The following RBMS3 variants were observed in gnomAD, a reference collection of about 807,000 sequenced individuals.
RBMS3 encodes the protein RNA binding motif single stranded interacting protein 3.
RBMS3 carries 27 observed loss-of-function variants against 66.8 expected under a neutral mutation model. That is an observed-to-expected ratio of 0.40 (90% CI 0.30 to 0.56). RBMS3 has a LOEUF of 0.56. Ranked by LOEUF, RBMS3 falls within the 20% of genes least tolerant of loss-of-function variation. The pLI is 0.40. For missense variants in RBMS3, 513 were observed against 549.5 expected (o/e 0.93, Z 0.66); for synonymous variants, 188 against 183.0 (o/e 1.03, Z -0.22).
intron 3 of RBMS3, among the ~76,000 whole-genome samples, chr3:29,532,951 C>T (rs759560260): frequency 4.6e-5 from 7 of 152,034 alleles, no homozygotes; most frequent in African/African-American, 7.2e-5. Flanking sequence ...AGTATTACTT[C>T]GATTTTTGAA....
At chr3:29,895,212 AT>A (rs1196202049) in intron 8 of RBMS3, among the ~76,000 whole-genome samples, 2 of 151,568 alleles carry the variant, frequency 1.3e-5, no homozygotes, top group Admixed American at 6.6e-5. Flanking sequence ...ATGTTCAATA[AT>A]TTTTTAAAAT....
At chr3:29,705,937 G>A (rs2149298405) in intron 4 of RBMS3, among the ~76,000 whole-genome samples, 1 of 152,294 alleles carries the variant, frequency 6.6e-6, no homozygotes, top group East Asian at 1.9e-4. Context: ...GGTATTGGCT[G>A]AGTTTTCCCT....
intron 1 of RBMS3, among the ~76,000 whole-genome samples, chr3:29,321,510 G>A (rs1156428014): frequency 1.3e-5 from 2 of 152,050 alleles, no homozygotes; most frequent in Non-Finnish European, 2.9e-5. Flanking sequence ...AGATAAGAAA[G>A]AAACTCATGT....
At chr3:29,809,798 G>A (rs561716900) in intron 6 of RBMS3, among the ~76,000 whole-genome samples, 100 of 152,044 alleles carry the variant, frequency 6.6e-4, no homozygotes, top group African/African-American at 2.4e-3. Flanking sequence ...AGCAGTTTAG[G>A]CCGAAATGCT....
rs569383982 is a variant in RBMS3 at position 29,350,730 on chromosome 3, T to C, written c.75+68974T>C. 2.0e-5 allele frequency among the ~76,000 whole-genome samples: 3 copies of C among 152,308 alleles called. No homozygotes were observed. In the East Asian group the frequency reaches 5.8e-4, roughly 29 times the overall value. ...AATCGATTGTTTAGGGGAATAGTTT[T>C]AAATTTACTAAATAATGTGTTTTTC... On this transcript the variant is annotated intron_variant, in intron 1 of 14. Coordinates refer to ENST00000383767, the MANE Select transcript of RBMS3 (RefSeq NM_001003793.3).
intron 2 of RBMS3, among the ~76,000 whole-genome samples, chr3:29,455,764 C>T (rs763577488): frequency 1.3e-5 from 2 of 151,220 alleles, no homozygotes; most frequent in Non-Finnish European, 2.9e-5. Context: ...TACCACTACA[C>T]GTGGGGACCA....
At chr3:29,758,748 G>A (rs1360411506) in intron 5 of RBMS3, among the ~76,000 whole-genome samples, 1 of 152,194 alleles carries the variant, frequency 6.6e-6, no homozygotes, top group Non-Finnish European at 1.5e-5. Context: ...AGAAGGAAAT[G>A]ACATAATTTG....
At chr3:29,895,568 G>C (rs2060107776) in intron 8 of RBMS3, among the ~76,000 whole-genome samples, 1 of 151,384 alleles carries the variant, frequency 6.6e-6, no homozygotes, top group South Asian at 2.1e-4. Context: ...GAATGTTTCA[G>C]TAGTTATTTT....
intron 1 of RBMS3, among the ~76,000 whole-genome samples, chr3:29,340,607 G>A (rs1232565871): frequency 6.6e-6 from 1 of 152,018 alleles, no homozygotes; most frequent in Non-Finnish European, 1.5e-5. Context: ...CTTTTCTTCT[G>A]TTCAAAAGTC....
At chr3:29,543,025 A>G (rs531338190) in intron 3 of RBMS3, among the ~76,000 whole-genome samples, 35 of 152,334 alleles carry the variant, frequency 2.3e-4, no homozygotes, top group African/African-American at 8.2e-4. Context: ...AATCCACTGC[A>G]TAGCGTCCCC....
intron 1 of RBMS3, among the ~76,000 whole-genome samples, chr3:29,326,894 C>A (rs2035370210): frequency 1.3e-5 from 2 of 152,016 alleles, no homozygotes; most frequent in African/African-American, 2.4e-5. Flanking sequence ...CCACGCCCAG[C>A]TAATTTTTTG....
intron 1 of RBMS3, among the ~76,000 whole-genome samples, chr3:29,348,456 G>A (rs1253316471): frequency 6.6e-6 from 1 of 151,766 alleles, no homozygotes; most frequent in Admixed American, 6.6e-5. Context: ...TGCATTTACT[G>A]TCTCCAGAAA....
At position 29,894,323 on chromosome 3, in the gene RBMS3, A is replaced by T. The variant is rs564240443; in HGVS notation, c.792-3056A>T. ...AGCCTCAATCTCCTGGACTTAAATG[A>T]TCTTCCCACTTCACCTCCCAAGTAG... On this transcript the variant is annotated intron_variant, in intron 8 of 14. Transcript: ENST00000383767. Among the ~76,000 whole-genome samples, 5 of 151,500 alleles carry T rather than the reference A, an allele frequency of 3.3e-5. No individual in the cohort carries two copies. In the South Asian group the frequency reaches 1.0e-3, roughly 31 times the overall value.
intron 8 of RBMS3, among the ~76,000 whole-genome samples, chr3:29,885,133 A>T (rs540284891): frequency 9.9e-5 from 15 of 151,872 alleles, no homozygotes; most frequent in Non-Finnish European, 1.9e-4. Flanking sequence ...AACATCCAGT[A>T]AGTATCCCAG....
At chr3:29,317,898 T>C (rs2034783047) in intron 1 of RBMS3, among the ~76,000 whole-genome samples, 1 of 151,842 alleles carries the variant, frequency 6.6e-6, no homozygotes, top group Non-Finnish European at 1.5e-5. Context: ...GAGCCTTTTA[T>C]CTGGAGTTTA....
intron 1 of RBMS3, among the ~76,000 whole-genome samples, chr3:29,305,445 C>T (rs556161888): frequency 6.6e-6 from 1 of 152,050 alleles, no homozygotes; most frequent in African/African-American, 2.4e-5. Flanking sequence ...TCAATACATA[C>T]TCCTTGAGTG....
At chr3:29,817,020 G>A (rs1292642868) in intron 6 of RBMS3, among the ~76,000 whole-genome samples, 1 of 152,076 alleles carries the variant, frequency 6.6e-6, no homozygotes, top group Non-Finnish European at 1.5e-5. Flanking sequence ...GAACCCTGGA[G>A]GCAGAGGTTG....
At chr3:29,797,334 T>G (rs138660867) in intron 6 of RBMS3, among the ~76,000 whole-genome samples, 2 of 152,286 alleles carry the variant, frequency 1.3e-5, no homozygotes, top group East Asian at 1.9e-4. Flanking sequence ...GCTTCCAACT[T>G]TTTTTCTGCA....
intron 4 of RBMS3, among the ~76,000 whole-genome samples, chr3:29,733,664 G>A (rs1447104304): frequency 6.6e-6 from 1 of 151,994 alleles, no homozygotes; most frequent in African/African-American, 2.4e-5. Flanking sequence ...ATTATGAATA[G>A]TTGGCAGATG....
Sources: gnomAD v4.1 joint callset for allele counts (sites outside exome capture counted in the v4.1 genomes callset) on GRCh38, gnomAD v4.1.1 for gene constraint, MANE v1.5 for transcripts, NCBI Gene and HGNC (gene_info 2026-07-23, HGNC 2026-07-21) for gene names.